The following VGLL4 variants were observed in gnomAD, a reference collection of about 807,000 sequenced individuals.
VGLL4 encodes the protein vestigial like family member 4.
A neutral mutation model predicts 21.0 loss-of-function variants in VGLL4; 7 were observed. The observed-to-expected ratio is 0.33, with a 90% CI of 0.19 to 0.63. The LOEUF is 0.63. Among genes scored for constraint, VGLL4 ranks in the 20% least tolerant of loss-of-function variants. VGLL4 has a pLI of 0.78. For synonymous variants in VGLL4, 222 were observed against 173.2 expected (o/e 1.28, Z -2.21); for missense variants, 394 against 425.7 (o/e 0.93, Z 0.66).
At chr3:11,562,693 T>C (rs926363118) in intron 3 of VGLL4, among the ~76,000 whole-genome samples, 3 of 152,158 alleles carry the variant, frequency 2.0e-5, no homozygotes, top group South Asian at 2.1e-4. Context: ...GGTTACGACA[T>C]GAATGACATG....
chr3:11,660,460 G>A (rs749563021), intron 2 of VGLL4, among the ~76,000 whole-genome samples: 5 of 152,146 alleles, frequency 3.3e-5, no homozygotes, highest in African/African-American at 4.8e-5. Context: ...ACTCTGAAAC[G>A]CAGCCCAGTG....
intron 2 of VGLL4, among the ~76,000 whole-genome samples, chr3:11,567,223 G>C (rs12485748): frequency 0.35 from 53,286 of 151,964 alleles, 10,458 homozygotes; most frequent in Non-Finnish European, 0.46. Context: ...GATCCACCCA[G>C]AGGACTCTAA....
intron 1 of VGLL4, among the ~76,000 whole-genome samples, chr3:11,641,063 GC>G (rs1484524166): frequency 2.8e-5 from 4 of 145,414 alleles, no homozygotes; most frequent in Non-Finnish European, 4.5e-5. Context: ...GTTGCAGTGA[GC>G]CAAGATCGCG....
intron 2 of VGLL4, among the ~76,000 whole-genome samples, chr3:11,590,330 G>C (rs550932565): frequency 1.3e-5 from 2 of 152,188 alleles, no homozygotes; most frequent in Non-Finnish European, 2.9e-5. Context: ...TTGACCTGAC[G>C]TAATAGGAGT....
At chr3:11,716,320 A>G (rs1248368078) in intron 1 of VGLL4, among the ~76,000 whole-genome samples, 2 of 149,964 alleles carry the variant, frequency 1.3e-5, no homozygotes, top group African/African-American at 2.5e-5. Context: ...AAAAAAAAAA[A>G]GCACAAAAAT....
intron 1 of VGLL4, chr3:11,626,419 T>C (rs748034785): frequency 3.3e-5 from 15 of 456,742 alleles, no homozygotes; most frequent in Non-Finnish European, 6.2e-5. Flanking sequence ...TCTCCTCTTA[T>C]TACTTCAAAG....
chr3:11,685,116 G>A (rs2076427694), intron 2 of VGLL4, among the ~76,000 whole-genome samples: 1 of 151,866 alleles, frequency 6.6e-6, no homozygotes, highest in African/African-American at 2.4e-5. Flanking sequence ...GTTTACTAAG[G>A]ATGATAACCT....
intron 2 of VGLL4, among the ~76,000 whole-genome samples, chr3:11,595,452 GAA>G (rs1470909058): frequency 6.6e-6 from 1 of 152,102 alleles, no homozygotes; most frequent in African/African-American, 2.4e-5. Context: ...TCTAGAACTA[GAA>G]ATACCATTTG....
intron 1 of VGLL4, among the ~76,000 whole-genome samples, chr3:11,707,079 G>A (rs978465907): frequency 6.6e-6 from 1 of 152,034 alleles, no homozygotes; most frequent in Non-Finnish European, 1.5e-5. Flanking sequence ...ACTTTAGGAG[G>A]CTGAAGCAGA....
intron 2 of VGLL4, among the ~76,000 whole-genome samples, chr3:11,593,571 A>AAAAAC (rs57030582): frequency 0.13 from 20,450 of 151,842 alleles, 1,769 homozygotes; most frequent in East Asian, 0.25. Flanking sequence ...AGGGCCAGGA[A>AAAAAC]AAAACAAAAC....
intron 2 of VGLL4, among the ~76,000 whole-genome samples, chr3:11,573,196 GAAAGA>G (rs1023270818): frequency 6.7e-6 from 1 of 148,882 alleles, no homozygotes; most frequent in African/African-American, 2.5e-5. Context: ...CAGACAGAAA[GAAAGA>G]AAAGAAGAGA....
chr3:11,591,872 A>C (rs1242020387), intron 2 of VGLL4, among the ~76,000 whole-genome samples: 2 of 152,248 alleles, frequency 1.3e-5, no homozygotes, highest in Non-Finnish European at 2.9e-5. Flanking sequence ...ACTGACATAC[A>C]TGGGGCAAAG....
chr3:11,697,338 C>T (rs2076619810), intron 2 of VGLL4, among the ~76,000 whole-genome samples: 1 of 151,514 alleles, frequency 6.6e-6, no homozygotes, highest in South Asian at 2.1e-4. Context: ...AACTCCTGGG[C>T]TCAAGCAATC....
At chr3:11,652,016 G>A (rs142559160) in intron 2 of VGLL4, among the ~76,000 whole-genome samples, 6 of 152,066 alleles carry the variant, frequency 3.9e-5, no homozygotes, top group African/African-American at 7.2e-5. Flanking sequence ...ATTAAGTAGC[G>A]ACTGATCATT....
intron 1 of VGLL4, among the ~76,000 whole-genome samples, chr3:11,617,139 TTCTAAC>T (rs371704592): frequency 6.6e-4 from 100 of 152,258 alleles, no homozygotes; most frequent in African/African-American, 2.3e-3. Context: ...GAGACAATAA[TTCTAAC>T]TCTAACAGGA....
chr3:11,706,341 CA>C (rs1326828328), intron 1 of VGLL4, among the ~76,000 whole-genome samples: 3 of 152,152 alleles, frequency 2.0e-5, no homozygotes, highest in Non-Finnish European at 4.4e-5. Context: ...GTTTATTACA[CA>C]ATTATTCTAA....
rs1355981841 is a variant in VGLL4 at position 11,565,990 on chromosome 3, G to A, written c.273-971C>T. On this transcript the variant is annotated intron_variant, in intron 2 of 4. Coordinates refer to ENST00000430365, the MANE Select transcript of VGLL4 (RefSeq NM_001128219.3). This position sits in a 1 kb window ranked among gnomAD's most constrained non-coding sequence, Gnocchi z 4.1. ...GTAACTCATGAGCTGGTCATTTAAA[G>A]AAAAAGGTGGTGAATTATGATTTGA... Among the ~76,000 whole-genome samples, 2 of 152,140 alleles carry A rather than the reference G, an allele frequency of 1.3e-5. No individual in the cohort carries two copies. The highest frequency in any genetic ancestry group is 2.9e-5 in the Non-Finnish European group (2 of 68,022).
intron 1 of VGLL4, among the ~76,000 whole-genome samples, chr3:11,712,258 C>G (rs2076857036): frequency 6.6e-6 from 1 of 152,188 alleles, no homozygotes; most frequent in Non-Finnish European, 1.5e-5. Flanking sequence ...AGATGTCTAA[C>G]ACTTAATTGT....
intron 1 of VGLL4, among the ~76,000 whole-genome samples, chr3:11,617,782 G>C (rs1320575777): frequency 6.6e-6 from 1 of 152,234 alleles, no homozygotes; most frequent in Non-Finnish European, 1.5e-5. Context: ...TAACAAGGAA[G>C]AGTGAGTTAG....
Sources: allele counts gnomAD v4.1 joint callset (sites outside exome capture counted in the v4.1 genomes callset), GRCh38; gene constraint gnomAD v4.1.1; non-coding constraint Gnocchi (gnomAD v3.1); transcripts MANE v1.5; gene names NCBI Gene and HGNC (gene_info 2026-07-23, HGNC 2026-07-21).